The following CNIH3 variants were observed in gnomAD, a reference collection of about 807,000 sequenced individuals.
CNIH3 encodes protein cornichon homolog 3.
A neutral mutation model predicts 24.1 loss-of-function variants in CNIH3; 14 were observed. That is an observed-to-expected ratio of 0.58 (90% CI 0.38 to 0.91). CNIH3 has a LOEUF of 0.91. Ranked by LOEUF, CNIH3 falls within the 40% of genes least tolerant of loss-of-function variation. CNIH3 has a pLI of 0.00. For synonymous variants in CNIH3, 68 were observed against 73.8 expected (o/e 0.92, Z 0.40); for missense variants, 178 against 196.8 (o/e 0.90, Z 0.57).
At chr1:224,441,111 C>T (rs1174737531) in intron 1 of CNIH3, among the ~76,000 whole-genome samples, 2 of 152,128 alleles carry the variant, frequency 1.3e-5, no homozygotes, top group Non-Finnish European at 2.9e-5. Context: ...CCACCGTGCC[C>T]GGCCAGTATG....
Position 224,571,031 on chromosome 1 carries a change from T to C in CNIH3, n.516+4767T>C, listed in dbSNP as rs188633187. Reference sequence around the variant, plus strand: ...ATGGGTCTGTTTCTGGAACCTATTCTATTTCATTGTTCAGTATACCTCTGT... The same window carrying C: ...ATGGGTCTGTTTCTGGAACCTATTCCATTTCATTGTTCAGTATACCTCTGT... On this transcript the variant is annotated intron_variant and non_coding_transcript_variant, in intron 4 of 5. Transcript: ENST00000471578. Among the ~76,000 whole-genome samples, 12 of 152,358 alleles carry C rather than the reference T, an allele frequency of 7.9e-5. No individual in the cohort carries two copies. In the East Asian group the frequency reaches 1.5e-3, roughly 20 times the overall value.
intron 1 of CNIH3, among the ~76,000 whole-genome samples, chr1:224,442,592 T>G (rs1674966142): frequency 6.6e-6 from 1 of 152,308 alleles, no homozygotes; most frequent in Non-Finnish European, 1.5e-5. Context: ...AGGGCTTCTG[T>G]GATAATGAAA....
chr1:224,639,935 T>C (rs1684276795), intron 1 of CNIH3, among the ~76,000 whole-genome samples: 1 of 152,238 alleles, frequency 6.6e-6, no homozygotes, highest in South Asian at 2.1e-4. Flanking sequence ...TAACGATGTA[T>C]CACCTCCATG....
chr1:224,711,177 A>G (rs1266781049), intron 3 of CNIH3, among the ~76,000 whole-genome samples: 1 of 152,246 alleles, frequency 6.6e-6, no homozygotes, highest in Non-Finnish European at 1.5e-5. Context: ...TGAATATGTC[A>G]TAATTAATTA....
rs116319502 is a variant in CNIH3, at chr1:224,545,941, G to A, written n.340-888G>A. Among the ~76,000 whole-genome samples the A allele has an allele frequency of 8.9e-3, 1,354 of 152,136 alleles. 23 individuals carry two copies. The highest frequency in any genetic ancestry group is 0.03 in the African/African-American group (1,255 of 41,488). On this transcript the variant is annotated intron_variant and non_coding_transcript_variant, in intron 2 of 5. Transcript: ENST00000471578. ...GGTGTTGGCAGCTTTGGTTTCTCCC[G>A]AGGCCCCTCTCCTTGGTTTGCAGGT...
intron 1 of CNIH3, among the ~76,000 whole-genome samples, chr1:224,516,669 C>G (rs111786172): frequency 1.3e-3 from 192 of 152,376 alleles, no homozygotes; most frequent in African/African-American, 4.5e-3. Context: ...CCTCCCCAGA[C>G]AGCCTGGCCC....
intron 4 of CNIH3, among the ~76,000 whole-genome samples, chr1:224,580,572 A>G (rs1681230664): frequency 6.6e-6 from 1 of 151,976 alleles, no homozygotes; most frequent in African/African-American, 2.4e-5. Context: ...GTAGGCCAGT[A>G]ATCCCAGCAC....
intron 1 of CNIH3, among the ~76,000 whole-genome samples, chr1:224,441,902 A>C (rs1044054567): frequency 6.6e-6 from 1 of 152,174 alleles, no homozygotes; most frequent in Non-Finnish European, 1.5e-5. Flanking sequence ...CATGAATGTC[A>C]GTCATTAACA....
At chr1:224,691,853 C>T (rs1258776705) in intron 3 of CNIH3, among the ~76,000 whole-genome samples, 1 of 152,186 alleles carries the variant, frequency 6.6e-6, no homozygotes, top group South Asian at 2.1e-4. Context: ...TTGCCAGAGT[C>T]CAGCCATTCT....
At chr1:224,736,455 C>T (rs1342135563) in intron 5 of CNIH3, among the ~76,000 whole-genome samples, 3 of 152,164 alleles carry the variant, frequency 2.0e-5, no homozygotes, top group Non-Finnish European at 4.4e-5. Context: ...CTTAGAAAAC[C>T]TCTAGAAAAG....
At chr1:224,638,288 A>G (rs1684190162) in intron 1 of CNIH3, among the ~76,000 whole-genome samples, 1 of 152,180 alleles carries the variant, frequency 6.6e-6, no homozygotes, top group South Asian at 2.1e-4. Context: ...AGAGTTGAAC[A>G]CCATGGGGAG....
intron 3 of CNIH3, among the ~76,000 whole-genome samples, chr1:224,697,511 C>A (rs1687240142): frequency 6.6e-6 from 1 of 152,118 alleles, no homozygotes; most frequent in South Asian, 2.1e-4. Context: ...AATTTGCCAA[C>A]AGGTGCCCAA....
At chr1:224,479,058 T>C (rs1014599685) in intron 1 of CNIH3, among the ~76,000 whole-genome samples, 2 of 151,872 alleles carry the variant, frequency 1.3e-5, no homozygotes, top group Non-Finnish European at 2.9e-5. Flanking sequence ...ACAGCCAAAC[T>C]GTTATCATTC....
intron 1 of CNIH3, among the ~76,000 whole-genome samples, chr1:224,449,871 G>A (rs368369300): frequency 2.6e-5 from 4 of 152,090 alleles, no homozygotes; most frequent in East Asian, 3.9e-4. Context: ...CAGACCTCTT[G>A]GGGCTTCTGG....
In CNIH3 at chr1:224,578,075, C is replaced by A. The variant is rs753802520; in HGVS notation, n.517-5089C>A. 2.6e-5 allele frequency among the ~76,000 whole-genome samples: 4 copies of A among 152,144 alleles called. No homozygotes were observed. In the East Asian group the frequency reaches 5.8e-4, roughly 22 times the overall value. ...TGCATATTGGGTACAGTGTACACTGCTCGGATGAAGGGTGGACCAAAATCT... is the reference window on the plus strand; with the variant it reads ...TGCATATTGGGTACAGTGTACACTGATCGGATGAAGGGTGGACCAAAATCT... On this transcript the variant is annotated intron_variant and non_coding_transcript_variant, in intron 4 of 5. Transcript: ENST00000471578.
Position 224,734,722 on chromosome 1 carries a change from T to A in CNIH3, c.455+16T>A. The A allele has an allele frequency of 1.2e-6, 2 of 1,612,750 alleles. No homozygotes were observed. Among genetic ancestry groups the A allele is most frequent in the Non-Finnish European group, 1.7e-6 (2 of 1,178,874 alleles). On this transcript the variant is annotated intron_variant, in intron 5 of 5. Transcript: ENST00000272133. ...ACCTTTACTGGTGAGTATCTGCCCC[T>A]CCTGGTGGTTTTGACTCCTGCAGCA...
At chr1:224,682,252 A>G (rs1686437909) in intron 2 of CNIH3, among the ~76,000 whole-genome samples, 1 of 152,360 alleles carries the variant, frequency 6.6e-6, no homozygotes. Context: ...CCTCACAATA[A>G]TGCTATGAGA....
At chr1:224,455,741 A>G (rs1196494644) in intron 1 of CNIH3, among the ~76,000 whole-genome samples, 5 of 152,222 alleles carry the variant, frequency 3.3e-5, no homozygotes, top group Non-Finnish European at 5.9e-5. Flanking sequence ...TAATGGAGGA[A>G]AATCTCAGTT....
upstream of CNIH3, chr1:224,616,305 G>A (rs1682973937): frequency 7.8e-6 from 2 of 255,782 alleles, no homozygotes; most frequent in South Asian, 6.2e-5. Context: ...GGGTCGCACC[G>A]CTACAGTTCT....
Sources: allele counts gnomAD v4.1 joint callset (sites outside exome capture counted in the v4.1 genomes callset), GRCh38; gene constraint gnomAD v4.1.1; transcripts MANE v1.5; gene names NCBI Gene and HGNC (gene_info 2026-07-23, HGNC 2026-07-21).